DIAPH2: variants seen among roughly 807,000 people sequenced by gnomAD.
DIAPH2 encodes protein diaphanous homolog 2.
A neutral mutation model predicts 92.7 loss-of-function variants in DIAPH2; 35 were observed. The observed-to-expected ratio is 0.38, with a 90% confidence interval of 0.29 to 0.50. The LOEUF is 0.50. Ranked by LOEUF, DIAPH2 falls within the 20% of genes least tolerant of loss-of-function variation. The pLI is 0.94. For synonymous variants in DIAPH2, 301 were observed against 280.4 expected, an observed-to-expected ratio of 1.07 and a Z score of -0.73; for missense variants, 701 against 819.5, an observed-to-expected ratio of 0.86 and a Z score of 1.77.
chrX:97,375,472 A>G, intron 24 of DIAPH2, among the ~76,000 whole-genome samples: 1 of 111,801 alleles, frequency 8.9e-6, no homozygotes, highest in East Asian at 2.8e-4. Context: ...AAACAAAAAC[A>G]AACAAACAAA....
intron 1 of DIAPH2, among the ~76,000 whole-genome samples, chrX:96,718,181 A>G (rs962597286): frequency 2.8e-5 from 3 of 106,780 alleles, no homozygotes; most frequent in Non-Finnish European, 5.8e-5. Context: ...GATCCCACAA[A>G]TAAGTGAAAA....
intron 23 of DIAPH2, among the ~76,000 whole-genome samples, chrX:97,295,200 C>T (rs2068633302): frequency 8.9e-6 from 1 of 111,892 alleles, no homozygotes; most frequent in Admixed American, 9.6e-5. Flanking sequence ...ACCACTCTCT[C>T]TTGCCTCCCA....
At chrX:97,221,718 T>C (rs1217585087) in intron 22 of DIAPH2, among the ~76,000 whole-genome samples, 1 of 111,973 alleles carries the variant, frequency 8.9e-6, no homozygotes, top group Non-Finnish European at 1.9e-5. Flanking sequence ...TTTTTTGTTG[T>C]TGTTGTTAAG....
chrX:97,323,593 GAAAAAA>G (rs1199744995), intron 23 of DIAPH2, among the ~76,000 whole-genome samples: 2 of 23,267 alleles, frequency 8.6e-5, no homozygotes, highest in Non-Finnish European at 1.5e-4. Flanking sequence ...TCCGTCTCAA[GAAAAAA>G]AAAAAAAAAA....
chrX:97,368,352 G>T (rs2069403410), intron 24 of DIAPH2, among the ~76,000 whole-genome samples: 1 of 111,458 alleles, frequency 9.0e-6, no homozygotes, highest in South Asian at 3.8e-4. Context: ...TCATGGTTTG[G>T]CATTTCCCAA....
chrX:97,269,745 A>ATTTTT (rs199849674), intron 23 of DIAPH2, among the ~76,000 whole-genome samples: 10 of 104,622 alleles, frequency 9.6e-5, no homozygotes, highest in African/African-American at 3.7e-4. Flanking sequence ...AGGAGATACT[A>ATTTTT]TTTTTATTTT....
chrX:97,005,092 T>A (rs1033050352), intron 17 of DIAPH2, among the ~76,000 whole-genome samples: 1 of 112,152 alleles, frequency 8.9e-6, no homozygotes, highest in Non-Finnish European at 1.9e-5. Flanking sequence ...GTTGATATGT[T>A]ACATCACATT....
At chrX:97,275,979 TG>T (rs1402523372) in intron 23 of DIAPH2, among the ~76,000 whole-genome samples, 1 of 112,775 alleles carries the variant, frequency 8.9e-6, no homozygotes, top group African/African-American at 3.2e-5. Context: ...GCACTCAGCC[TG>T]GGCAACATTG....
chrX:97,073,942 A>G (rs771594979), intron 18 of DIAPH2, among the ~76,000 whole-genome samples: 2 of 111,808 alleles, frequency 1.8e-5, no homozygotes, highest in African/African-American at 6.5e-5. Context: ...TAGGATCTCA[A>G]TTGCTGGTTG....
At chrX:96,890,003 G>A (rs1321019846) in intron 5 of DIAPH2, among the ~76,000 whole-genome samples, 3 of 111,984 alleles carry the variant, frequency 2.7e-5, no homozygotes, top group Non-Finnish European at 5.6e-5. Flanking sequence ...GAGTTTTGAG[G>A]AATGGAATGG....
At chrX:97,226,221 T>C (rs1248416406) in intron 22 of DIAPH2, among the ~76,000 whole-genome samples, 1 of 111,903 alleles carries the variant, frequency 8.9e-6, no homozygotes, top group African/African-American at 3.2e-5. Flanking sequence ...AATGGAATGT[T>C]CCTTCCACTG....
At chrX:97,360,246 G>T (rs937216490) in intron 24 of DIAPH2, among the ~76,000 whole-genome samples, 1 of 111,184 alleles carries the variant, frequency 9.0e-6, no homozygotes, top group African/African-American at 3.3e-5. Flanking sequence ...TTATTTGTTC[G>T]TGCTCAATTG....
At chrX:97,321,553 T>A (rs1406447724) in intron 23 of DIAPH2, among the ~76,000 whole-genome samples, 13 of 88,231 alleles carry the variant, frequency 1.5e-4, no homozygotes, top group Non-Finnish European at 2.2e-4. Flanking sequence ...TATTTTTTTT[T>A]TTTTTTTTTT....
chrX:97,246,905 A>G (rs2068146592), intron 22 of DIAPH2, among the ~76,000 whole-genome samples: 1 of 112,040 alleles, frequency 8.9e-6, no homozygotes, highest in South Asian at 3.7e-4. Flanking sequence ...GTTTTCATAC[A>G]TAATTGGCAG....
intron 3 of DIAPH2, among the ~76,000 whole-genome samples, chrX:96,743,534 G>A (rs192388366): frequency 8.9e-6 from 1 of 112,033 alleles, no homozygotes; most frequent in East Asian, 2.8e-4. Flanking sequence ...AAGATGTGAA[G>A]TCATATCTCA....
In DIAPH2 at chrX:97,035,889, G is replaced by T. The variant is rs770012454; in HGVS notation, c.2051-37052G>T. On this transcript the variant is annotated intron_variant, in intron 17 of 26. Coordinates refer to ENST00000324765, the MANE Select transcript of DIAPH2 (RefSeq NM_006729.5). ...CTGAGCATGGTGGCATGCGCCTGTT[G>T]TCCCAGCTACTTGAGAGGTAGAGGT... Among the ~76,000 whole-genome samples the T allele has an allele frequency of 4.6e-5, 5 of 108,944 alleles. No homozygotes were observed. The South Asian group carries it at 2.1e-3, about 45-fold the overall frequency. The allele number at this position is 108,944 out of a possible 115,157, so 94.6% of individuals were successfully genotyped here. A position where few individuals can be genotyped will look rare whatever the true frequency, so the allele number is the denominator to read the frequency against.
chrX:97,003,425 T>C (rs1001659465), intron 17 of DIAPH2, among the ~76,000 whole-genome samples: 1 of 112,004 alleles, frequency 8.9e-6, no homozygotes, highest in African/African-American at 3.2e-5. Flanking sequence ...CCAACAACAA[T>C]ATACAAGGCT....
At chrX:97,511,361 G>T (rs1276929373) in intron 26 of DIAPH2, among the ~76,000 whole-genome samples, 1 of 76,092 alleles carries the variant, frequency 1.3e-5, no homozygotes, top group Admixed American at 1.4e-4. Context: ...CATTGATTTT[G>T]TATCCTGAGA....
chrX:96,721,535 T>C (rs1415521132), intron 1 of DIAPH2, among the ~76,000 whole-genome samples: 1 of 112,400 alleles, frequency 8.9e-6, no homozygotes, highest in African/African-American at 3.2e-5. Context: ...TGTAAAGTGA[T>C]CTAGGAGACA....
Sources: allele counts gnomAD v4.1 joint callset (sites outside exome capture counted in the v4.1 genomes callset), GRCh38; gene constraint gnomAD v4.1.1; transcripts MANE v1.5; gene names NCBI Gene and HGNC (gene_info 2026-07-23, HGNC 2026-07-21).